The following BICC1 variants were observed in gnomAD, a reference collection of about 807,000 sequenced individuals.
BICC1 encodes the protein protein bicaudal C homolog 1.
BICC1 carries 43 observed loss-of-function variants against 111.0 expected under a neutral mutation model. That is an observed-to-expected ratio of 0.39 (90% confidence interval 0.30 to 0.50). BICC1 has a LOEUF of 0.50. Among genes scored for constraint, BICC1 ranks in the 20% least tolerant of loss-of-function variants. BICC1 has a pLI of 0.88. For synonymous variants in BICC1, 467 were observed against 434.4 expected (o/e 1.07, Z -0.93); for missense variants, 1,091 against 1,203.2 (o/e 0.91, Z 1.38).
chr10:58,769,909 C>T (rs551679048), intron 3 of BICC1, among the ~76,000 whole-genome samples: 4 of 151,992 alleles, frequency 2.6e-5, no homozygotes, highest in Admixed American at 1.3e-4. Context: ...TGTGGACTTT[C>T]GTACTGATTA....
chr10:58,773,419 G>A (rs745884475), intron 3 of BICC1, among the ~76,000 whole-genome samples: 34 of 152,160 alleles, frequency 2.2e-4, no homozygotes, highest in Admixed American at 3.3e-4. Context: ...CTCTAACAAC[G>A]GGGCTGTTTA....
intron 1 of BICC1, among the ~76,000 whole-genome samples, chr10:58,555,164 T>A (rs1468625202): frequency 6.6e-6 from 1 of 151,992 alleles, no homozygotes; most frequent in African/African-American, 2.4e-5. Context: ...TTTCGAGATT[T>A]TTTCATATTT....
Position 58,702,028 on chromosome 10 carries a change from T to C in BICC1, c.238-46T>C, listed in dbSNP as rs774392108. 4 of 1,444,006 alleles carry C rather than the reference T, an allele frequency of 2.8e-6. No individual in the cohort carries two copies. In the East Asian group the frequency reaches 7.0e-5, roughly 25 times the overall value. 89.4% of individuals were successfully genotyped at this position (1,444,006 alleles called of 1,614,324 possible). On this transcript the variant is annotated intron_variant, in intron 2 of 20. Transcript: ENST00000373886. ...GTGTGTGAAAAATCTTATCTGTAAA[T>C]ACAAGTTTTTAATTGAGTCAATATT...
chr10:58,800,414 G>T, intron 13 of BICC1, 88 bp downstream of exon 13: 1 of 1,326,004 alleles, frequency 7.5e-7, no homozygotes, highest in South Asian at 1.7e-5. Flanking sequence ...TTTTTGAGTT[G>T]GTTTTGCTAA....
intron 1 of BICC1, among the ~76,000 whole-genome samples, chr10:58,572,159 C>A (rs538972529): frequency 3.1e-4 from 47 of 152,120 alleles, no homozygotes; most frequent in Non-Finnish European, 5.9e-4. Context: ...TGTCCTTTGC[C>A]CACTTTTAAG....
chr10:58,709,246 C>T (rs949711840), intron 3 of BICC1, among the ~76,000 whole-genome samples: 1 of 152,204 alleles, frequency 6.6e-6, no homozygotes, highest in Non-Finnish European at 1.5e-5. Context: ...CTCTAGTACT[C>T]ATTGTTCTGT....
chr10:58,552,623 T>C (rs1843326647), intron 1 of BICC1, among the ~76,000 whole-genome samples: 1 of 152,106 alleles, frequency 6.6e-6, no homozygotes, highest in Non-Finnish European at 1.5e-5. Context: ...GTTATTCTTA[T>C]TTCTTAAACA....
chr10:58,641,363 T>C (rs1188397369), intron 2 of BICC1, among the ~76,000 whole-genome samples: 4 of 152,162 alleles, frequency 2.6e-5, no homozygotes, highest in African/African-American at 9.7e-5. Flanking sequence ...CCTTGCTTCA[T>C]GTTGGAATTT....
At chr10:58,736,782 A>T (rs1841480763) in intron 3 of BICC1, among the ~76,000 whole-genome samples, 1 of 152,210 alleles carries the variant, frequency 6.6e-6, no homozygotes, top group African/African-American at 2.4e-5. Flanking sequence ...CTTACTAAAG[A>T]ACAGTAGTCT....
chr10:58,673,533 A>G (rs1839244665), intron 2 of BICC1, among the ~76,000 whole-genome samples: 1 of 152,238 alleles, frequency 6.6e-6, no homozygotes, highest in African/African-American at 2.4e-5. Context: ...AAATCCAGCT[A>G]GTTATAAAAT....
At chr10:58,625,104 A>G (rs578060066) in intron 2 of BICC1, among the ~76,000 whole-genome samples, 45 of 152,280 alleles carry the variant, frequency 3.0e-4, no homozygotes, top group African/African-American at 1.0e-3. Flanking sequence ...CTACACTTAT[A>G]AAAGGCGGGA....
chr10:58,813,776 C>A, intron 17 of BICC1, 54 bp from the exon 18 acceptor site: 1 of 1,571,616 alleles, frequency 6.4e-7, no homozygotes, highest in Non-Finnish European at 8.7e-7. Context: ...CTCCTCCCAC[C>A]CTGAAAAACC....
intron 3 of BICC1, among the ~76,000 whole-genome samples, chr10:58,759,412 A>G (rs1266259892): frequency 6.6e-6 from 1 of 152,172 alleles, no homozygotes; most frequent in Non-Finnish European, 1.5e-5. Flanking sequence ...TCTAGGAAGC[A>G]GGCATTTAAG....
At chr10:58,549,821 G>A (rs1011856209) in intron 1 of BICC1, among the ~76,000 whole-genome samples, 2 of 151,776 alleles carry the variant, frequency 1.3e-5, no homozygotes, top group African/African-American at 4.8e-5. Flanking sequence ...GAGTAGCTGG[G>A]ATTACAGATG....
intron 2 of BICC1, among the ~76,000 whole-genome samples, chr10:58,698,505 C>T (rs1589035356): frequency 2.0e-5 from 3 of 152,134 alleles, no homozygotes; most frequent in Admixed American, 1.3e-4. Flanking sequence ...TGACTACCCA[C>T]GACCGGGTTA....
At chr10:58,524,498 T>C (rs534790526) in intron 1 of BICC1, among the ~76,000 whole-genome samples, 2 of 152,356 alleles carry the variant, frequency 1.3e-5, no homozygotes, top group South Asian at 4.1e-4. Flanking sequence ...GCTAGCCATA[T>C]GTAGAAAGCT....
intron 3 of BICC1, among the ~76,000 whole-genome samples, chr10:58,727,895 C>G (rs1841160750): frequency 6.6e-6 from 1 of 152,170 alleles, no homozygotes; most frequent in Admixed American, 6.5e-5. Context: ...GATATGTTTA[C>G]ATTACATGGT....
chr10:58,642,028 G>T (rs1411657189), intron 2 of BICC1, among the ~76,000 whole-genome samples: 1 of 152,200 alleles, frequency 6.6e-6, no homozygotes, highest in Non-Finnish European at 1.5e-5. Context: ...ATTTGAAATT[G>T]TAATAGCAGT....
intron 17 of BICC1, among the ~76,000 whole-genome samples, chr10:58,811,762 G>C (rs1195004819): frequency 2.6e-5 from 4 of 152,196 alleles, no homozygotes; most frequent in African/African-American, 9.7e-5. Context: ...AACCACTTTA[G>C]ATTGGGTAGT....
Sources: allele counts gnomAD v4.1 joint callset (sites outside exome capture counted in the v4.1 genomes callset), GRCh38; gene constraint gnomAD v4.1.1; transcripts MANE v1.5; gene names NCBI Gene and HGNC (gene_info 2026-07-23, HGNC 2026-07-21).